PSD3: variants seen among roughly 807,000 people sequenced by gnomAD.
The protein encoded by PSD3 is pleckstrin and Sec7 domain containing 3, also known as PH and SEC7 domain-containing protein 3.
In PSD3, 49 loss-of-function variants were observed where a neutral mutation model predicts 105.5. That is an observed-to-expected ratio of 0.46 (90% CI 0.37 to 0.59). The LOEUF (loss-of-function observed/expected upper bound fraction) is 0.59. Among genes scored for constraint, PSD3 ranks in the 20% least tolerant of loss-of-function variants. The pLI, the probability that PSD3 is intolerant of heterozygous loss-of-function variation, is 0.00. For synonymous variants in PSD3, 557 were observed against 457.8 expected (o/e 1.22, Z -2.77); for missense variants, 1,561 against 1,263.8 (o/e 1.24, Z -3.57).
intron 12 of PSD3, among the ~76,000 whole-genome samples, chr8:18,578,374 C>A (rs761501765): frequency 6.6e-6 from 1 of 152,122 alleles, no homozygotes; most frequent in Non-Finnish European, 1.5e-5. Context: ...CGGCTGCATC[C>A]AGTGCCAACC....
rs59083090 is a variant in PSD3 at position 18,755,755 on chromosome 8, ATT to A, written c.2172+9692_2172+9693del. On this transcript the variant is annotated intron_variant, in intron 9 of 15. Coordinates refer to ENST00000327040, the MANE Select transcript of PSD3 (RefSeq NM_015310.4). The stretch of plus-strand genomic sequence containing the variant: ...CATTGTAACAGACTTCTTTTTGGTA[ATT>A]TTTTTTTTTTTTTAAGAAAACACAT... Among the ~76,000 whole-genome samples, 43 of 143,602 alleles carry A rather than the reference ATT, an allele frequency of 3.0e-4. 1 individual carries two copies. Among genetic ancestry groups the A allele is most frequent in the African/African-American group, 7.8e-4 (31 of 39,564 alleles). The allele number at this position is 143,602 out of a possible 152,430, so 94.2% of individuals were successfully genotyped here.
At chr8:19,020,866 T>G (rs937493192) in intron 1 of PSD3, among the ~76,000 whole-genome samples, 2 of 152,176 alleles carry the variant, frequency 1.3e-5, no homozygotes, top group African/African-American at 4.8e-5. Flanking sequence ...GGGAAGACTG[T>G]GGAAGTAACA....
intron 11 of PSD3, among the ~76,000 whole-genome samples, chr8:18,607,651 T>C (rs576219677): frequency 3.5e-4 from 41 of 118,808 alleles, no homozygotes; most frequent in African/African-American, 1.3e-3. Flanking sequence ...CTCACGCCTG[T>C]AATCCCAGCA....
intron 11 of PSD3, among the ~76,000 whole-genome samples, chr8:18,613,123 A>G (rs1018276129): frequency 6.6e-6 from 1 of 152,154 alleles, no homozygotes; most frequent in Non-Finnish European, 1.5e-5. Flanking sequence ...CAGGAAAAAT[A>G]TAAACACCAG....
chr8:18,541,024 A>T (rs529827173), intron 15 of PSD3, among the ~76,000 whole-genome samples: 1 of 151,930 alleles, frequency 6.6e-6, no homozygotes, highest in South Asian at 2.1e-4. Flanking sequence ...CACCTCTTTC[A>T]GGTGTGCACT....
Position 18,705,885 on chromosome 8 carries a change from A to G in PSD3, c.2173-50200T>C, listed in dbSNP as rs186064026. Among the ~76,000 whole-genome samples, 390 of 152,284 alleles carry G rather than the reference A, an allele frequency of 2.6e-3. 1 individual carries two copies. Among genetic ancestry groups the G allele is most frequent in the Non-Finnish European group, 4.0e-3 (274 of 68,020 alleles). On this transcript the variant is annotated intron_variant, in intron 9 of 15. Transcript: ENST00000327040. The stretch of plus-strand genomic sequence containing the variant: ...TGTATGTGGAAAAAGAATATTTGTG[A>G]TCAAGAGTATCAAAAATACTACTTT...
intron 11 of PSD3, among the ~76,000 whole-genome samples, chr8:18,610,883 T>G (rs1454106463): frequency 6.6e-6 from 1 of 152,198 alleles, no homozygotes; most frequent in Non-Finnish European, 1.5e-5. Context: ...CACACCATGA[T>G]GCCCACTATT....
At chr8:19,049,642 G>A (rs1032433743) in intron 1 of PSD3, among the ~76,000 whole-genome samples, 1 of 128,032 alleles carries the variant, frequency 7.8e-6, no homozygotes, top group African/African-American at 3.0e-5. Flanking sequence ...TGTGAGCCAC[G>A]ATTGCTCCAC....
intron 2 of PSD3, among the ~76,000 whole-genome samples, chr8:18,899,661 T>G (rs1354763855): frequency 6.6e-6 from 1 of 152,040 alleles, no homozygotes; most frequent in Non-Finnish European, 1.5e-5. Flanking sequence ...CTAAGGGTAT[T>G]GTCCTATATC....
chr8:18,583,574 A>G, intron 12 of PSD3, among the ~76,000 whole-genome samples: 1 of 152,276 alleles, frequency 6.6e-6, no homozygotes, highest in African/African-American at 2.4e-5. Context: ...TTCCCCAAAC[A>G]CGCTGTATCA....
At chr8:18,838,410 ATG>A (rs1441603500) in intron 4 of PSD3, among the ~76,000 whole-genome samples, 1 of 152,174 alleles carries the variant, frequency 6.6e-6, no homozygotes, top group East Asian at 1.9e-4. Context: ...CGCTTCATAA[ATG>A]TAAATATTAT....
chr8:19,076,820 G>C (rs28452929), intron 1 of PSD3, among the ~76,000 whole-genome samples: 14,385 of 151,924 alleles, frequency 0.095, 756 homozygotes, highest in Middle Eastern at 0.17. Context: ...CACAATTAGA[G>C]CTATACAGCT....
At chr8:18,965,906 C>T (rs932224245) in intron 1 of PSD3, among the ~76,000 whole-genome samples, 8 of 152,302 alleles carry the variant, frequency 5.3e-5, no homozygotes, top group Middle Eastern at 3.4e-3. Flanking sequence ...ATATAACACC[C>T]GGGGTTTGGG....
At chr8:18,754,325 G>A (rs1236576134) in intron 9 of PSD3, among the ~76,000 whole-genome samples, 4 of 152,220 alleles carry the variant, frequency 2.6e-5, no homozygotes, top group African/African-American at 9.6e-5. Context: ...CACAGGTTGC[G>A]GTGAGCTGAG....
intron 1 of PSD3, among the ~76,000 whole-genome samples, chr8:19,040,848 ACT>A (rs1189040785): frequency 2.0e-5 from 3 of 152,182 alleles, no homozygotes; most frequent in Non-Finnish European, 4.4e-5. Flanking sequence ...AAGGTCTCTT[ACT>A]CTGAGATTCT....
At chr8:18,734,335 A>G (rs1182405756) in intron 9 of PSD3, 3 of 152,248 alleles carry the variant, frequency 2.0e-5, no homozygotes, top group Non-Finnish European at 2.9e-5. Flanking sequence ...TATGTCTGAA[A>G]AACAGTATCT....
intron 1 of PSD3, among the ~76,000 whole-genome samples, chr8:19,083,224 T>C (rs948070105): frequency 4.6e-5 from 7 of 152,172 alleles, no homozygotes; most frequent in African/African-American, 1.7e-4. Flanking sequence ...ATGCAAAGGA[T>C]AGCAAGATGC....
At chr8:18,765,417 C>T in intron 9 of PSD3, 32 bp downstream of exon 9, 3 of 1,526,846 alleles carry the variant, frequency 2.0e-6, no homozygotes, top group Non-Finnish European at 2.7e-6. Flanking sequence ...GAAATACAAG[C>T]ATACACTAAA....
chr8:18,903,845 G>A (rs1819668408), intron 2 of PSD3, among the ~76,000 whole-genome samples: 1 of 152,086 alleles, frequency 6.6e-6, no homozygotes, highest in Non-Finnish European at 1.5e-5. Context: ...TCCAACTTAG[G>A]CTGAGGGAAG....
Sources: allele counts gnomAD v4.1 joint callset (sites outside exome capture counted in the v4.1 genomes callset), GRCh38; gene constraint gnomAD v4.1.1; transcripts MANE v1.5; gene names NCBI Gene and HGNC (gene_info 2026-07-23, HGNC 2026-07-21).